FNIP1: variants seen among roughly 807,000 people sequenced by gnomAD.
FNIP1 encodes the protein folliculin interacting protein 1, also known as folliculin-interacting protein 1.
Under a neutral mutation model 124.5 loss-of-function variants are expected in FNIP1, and 40 were observed. The observed-to-expected ratio is 0.32, with a 90% CI of 0.25 to 0.42. FNIP1 has a LOEUF of 0.42. Ranked by LOEUF, FNIP1 falls within the 10% of genes least tolerant of loss-of-function variation. FNIP1 has a pLI of 1.00. For synonymous variants in FNIP1, 472 were observed against 470.6 expected (o/e 1.00, Z -0.04); for missense variants, 1,176 against 1,403.7 (o/e 0.84, Z 2.59).
chr5:131,699,916 C>CAAA (rs3033727), intron 10 of FNIP1, among the ~76,000 whole-genome samples: 48,307 of 91,904 alleles, frequency 0.53, 13,867 homozygotes, highest in Non-Finnish European at 0.67. Flanking sequence ...AAGACTGTTT[C>CAAA]AAAAAAAAAA....
In FNIP1 at chr5:131,778,047, G is replaced by A. The variant is rs114683143; in HGVS notation, c.92+18783C>T. Among the ~76,000 whole-genome samples the A allele has an allele frequency of 5.9e-3, 905 of 152,254 alleles. 6 individuals carry two copies. The highest frequency in any genetic ancestry group is 0.021 in the African/African-American group (867 of 41,558). On this transcript the variant is annotated intron_variant, in intron 1 of 17. Transcript: ENST00000510461. ...TCCATCTTAGCACCACTAGAAATGT[G>A]ACAACCTGAGGTTCTGTGCTTTCTG... is the stretch of plus-strand genomic sequence containing the variant.
At chr5:131,649,664 T>C (rs539770340) in intron 16 of FNIP1, among the ~76,000 whole-genome samples, 2 of 152,194 alleles carry the variant, frequency 1.3e-5, no homozygotes, top group African/African-American at 4.8e-5. Context: ...ATCCAATTTA[T>C]CTATTTTTTT....
intron 13 of FNIP1, among the ~76,000 whole-genome samples, chr5:131,674,805 T>G (rs1163368737): frequency 6.6e-6 from 1 of 151,668 alleles, no homozygotes; most frequent in Non-Finnish European, 1.5e-5. Flanking sequence ...ACATTTAAAA[T>G]CCTCTATTTT....
intron 2 of FNIP1, among the ~76,000 whole-genome samples, chr5:131,740,646 T>G: frequency 6.6e-6 from 1 of 152,190 alleles, no homozygotes. Context: ...CTCAATATAT[T>G]TTTCTACCAC....
intron 13 of FNIP1, among the ~76,000 whole-genome samples, chr5:131,676,577 G>A (rs1024545463): frequency 6.6e-6 from 1 of 152,054 alleles, no homozygotes; most frequent in East Asian, 2.0e-4. Context: ...GGGGGAACAT[G>A]GCAAAACCCC....
Position 131,643,646 on chromosome 5 carries a change from GA to G in FNIP1, c.*1038del, listed in dbSNP as rs1465822448. On this transcript the variant is annotated 3_prime_UTR_variant, in exon 18 of 18. Coordinates refer to ENST00000510461, the MANE Select transcript of FNIP1 (RefSeq NM_133372.3). ...CACTTTTGGAAGGGAGGGACTCTTAGAAAAAAAGAGAATAATTTTAAGAGTT... is the reference window on the plus strand; with the variant it reads ...CACTTTTGGAAGGGAGGGACTCTTAGAAAAAAGAGAATAATTTTAAGAGTT... 1 of 152,504 alleles carries G rather than the reference GA, an allele frequency of 6.6e-6. No individual in the cohort carries two copies. Among genetic ancestry groups the G allele is most frequent in the African/African-American group, 2.4e-5 (1 of 41,390 alleles). 9.4% of individuals were successfully genotyped at this position (152,504 alleles called of 1,614,324 possible).
chr5:131,665,250 A>C (rs913205822), intron 15 of FNIP1, among the ~76,000 whole-genome samples: 22 of 152,122 alleles, frequency 1.4e-4, no homozygotes, highest in African/African-American at 5.1e-4. Flanking sequence ...TCTGGGTTTT[A>C]TGAGAAGCCA....
At chr5:131,653,168 A>G (rs1021026237) in intron 15 of FNIP1, among the ~76,000 whole-genome samples, 1 of 152,192 alleles carries the variant, frequency 6.6e-6, no homozygotes, top group Non-Finnish European at 1.5e-5. Flanking sequence ...TGTCCAGAGT[A>G]TGAATACAGC....
chr5:131,778,329 G>T (rs1771879334), intron 1 of FNIP1, among the ~76,000 whole-genome samples: 1 of 152,130 alleles, frequency 6.6e-6, no homozygotes, highest in Non-Finnish European at 1.5e-5. Flanking sequence ...GTAGACAGAG[G>T]AACAAGGTAA....
chr5:131,673,179 C>A (rs1034973330), intron 13 of FNIP1, among the ~76,000 whole-genome samples: 5 of 151,512 alleles, frequency 3.3e-5, no homozygotes, highest in African/African-American at 1.2e-4. Flanking sequence ...TCCTGAGTAG[C>A]TGGGACTATA....
In FNIP1 at chr5:131,656,600, A is replaced by G. The variant is rs74526880; in HGVS notation, c.3109-4601T>C. 7.2e-3 allele frequency among the ~76,000 whole-genome samples: 1,095 copies of G among 152,300 alleles called. 7 individuals are homozygous for G. The highest frequency in any genetic ancestry group is 0.024 in the African/African-American group (1,014 of 41,542). Reference sequence around the variant, plus strand: ...TTTAACGCTAGGAAAGTATGGTTTGATAATTTTAGAAAGAGTTTTAGCTTA... The same window carrying G: ...TTTAACGCTAGGAAAGTATGGTTTGGTAATTTTAGAAAGAGTTTTAGCTTA... On this transcript the variant is annotated intron_variant, in intron 15 of 17. Transcript: ENST00000510461.
intron 15 of FNIP1, among the ~76,000 whole-genome samples, chr5:131,660,571 C>T (rs1448609266): frequency 6.6e-6 from 1 of 152,182 alleles, no homozygotes; most frequent in African/African-American, 2.4e-5. Context: ...CACCGCACCC[C>T]TTTCCCCAAA....
At chr5:131,648,584 T>C (rs1311581471) in intron 16 of FNIP1, among the ~76,000 whole-genome samples, 1 of 152,174 alleles carries the variant, frequency 6.6e-6, no homozygotes. Context: ...TGCTTTAGGC[T>C]GATAATGCCA....
intron 1 of FNIP1, among the ~76,000 whole-genome samples, chr5:131,788,631 G>A (rs532076437): frequency 1.9e-4 from 29 of 150,400 alleles, no homozygotes; most frequent in Admixed American, 1.9e-3. Context: ...AACCCGGGAG[G>A]CAGAGGTTGC....
chr5:131,789,454 A>C (rs980604474), intron 1 of FNIP1, among the ~76,000 whole-genome samples: 1 of 152,214 alleles, frequency 6.6e-6, no homozygotes. Flanking sequence ...ACATAAAATC[A>C]GAACACTGCA....
At chr5:131,704,040 T>C (rs369824500) in intron 10 of FNIP1, 25 bp downstream of exon 10, 7 of 1,526,586 alleles carry the variant, frequency 4.6e-6, no homozygotes, top group Non-Finnish European at 2.7e-6. Context: ...AAAAGGAAAA[T>C]ACATAAATAA....
At chr5:131,661,758 A>G (rs984109018) in intron 15 of FNIP1, among the ~76,000 whole-genome samples, 1 of 152,090 alleles carries the variant, frequency 6.6e-6, no homozygotes, top group African/African-American at 2.4e-5. Context: ...GAAATCAGAA[A>G]CCTGCCGTGC....
At chr5:131,691,578 T>G in intron 11 of FNIP1, among the ~76,000 whole-genome samples, 1 of 152,040 alleles carries the variant, frequency 6.6e-6, no homozygotes, top group East Asian at 1.9e-4. Context: ...TTGTTAAGCC[T>G]TTATCAGGAA....
At chr5:131,683,904 T>C (rs1176302824) in intron 11 of FNIP1, among the ~76,000 whole-genome samples, 1 of 152,194 alleles carries the variant, frequency 6.6e-6, no homozygotes, top group Non-Finnish European at 1.5e-5. Flanking sequence ...AAACCCTCAA[T>C]ACATAACCTT....
Sources: gnomAD v4.1 joint callset for allele counts (sites outside exome capture counted in the v4.1 genomes callset) on GRCh38, gnomAD v4.1.1 for gene constraint, MANE v1.5 for transcripts, NCBI Gene and HGNC (gene_info 2026-07-23, HGNC 2026-07-21) for gene names.